Variants in GRIN1 observed in about 807,000 individuals in gnomAD.
GRIN1 encodes glutamate ionotropic receptor NMDA type subunit 1.
GRIN1 carries 38 observed loss-of-function variants against 103.0 expected under a neutral mutation model. The observed-to-expected ratio is 0.37, with a 90% CI of 0.28 to 0.48. GRIN1 has a LOEUF of 0.48. Among genes scored for constraint, GRIN1 ranks in the 20% least tolerant of loss-of-function variants. The pLI is 0.98. For synonymous variants in GRIN1, 544 were observed against 532.7 expected, an observed-to-expected ratio of 1.02 and a Z score of -0.29; for missense variants, 577 against 1,288.9, an observed-to-expected ratio of 0.45 and a Z score of 8.46.
At chr9:137,161,478 G>A in intron 10 of GRIN1, 62 bp downstream of exon 10, 1 of 1,514,932 alleles carries the variant, frequency 6.6e-7, no homozygotes, top group Non-Finnish European at 9.0e-7. Flanking sequence ...GGTCGGAGTG[G>A]GTGGGGCATG....
Position 137,154,431 on chromosome 9 carries a change from AC to A in GRIN1, c.672-2237del, listed in dbSNP as rs1480662464. On this transcript the variant is annotated intron_variant, in intron 4 of 19. Coordinates refer to ENST00000371561, the MANE Select transcript of GRIN1 (RefSeq NM_007327.4). Reference sequence around the variant, plus strand: ...TCAGCCACCACCCCCAGCTCCAACAACTTTTTTTTTTTTTTTTTTTTTTTTT... The same window carrying A: ...TCAGCCACCACCCCCAGCTCCAACAATTTTTTTTTTTTTTTTTTTTTTTTT... Among the ~76,000 whole-genome samples, 8 of 83,510 alleles carry A rather than the reference AC, an allele frequency of 9.6e-5. 1 individual carries two copies. The East Asian group carries it at 2.9e-3, about 30-fold the overall frequency. 54.8% of individuals were successfully genotyped at this position (83,510 alleles called of 152,430 possible).
In GRIN1 at chr9:137,145,899, C is replaced by T; in HGVS notation, c.567C>T (p.Ser189=). ...AGACGCTGCTGGAGGAGCGTGAGTC[C>T]AAGGTGAGGGTCGGCGCCGCGGGTG... is the stretch of plus-strand genomic sequence containing the variant. ...RLETLLEERE[S]KAEKVLQFDP... is the part of the protein sequence containing the mutation. The change falls in exon 3 of 20, where the codon TCC becomes TCT. Residue 189 remains serine (S), a synonymous_variant. Transcript: ENST00000371561. 1 of 1,601,190 alleles carries T rather than the reference C, an allele frequency of 6.2e-7. No individual in the cohort carries two copies. Among genetic ancestry groups the T allele is most frequent in the African/African-American group, 1.3e-5 (1 of 74,826 alleles).
rs1354413402 is a variant in GRIN1, at chr9:137,154,448, T to A, written c.672-2221T>A. Reference sequence around the variant, plus strand: ...CTCCAACAACTTTTTTTTTTTTTTTTTTTTTTTTTTTTTTTTTTTTTTTAA... The same window carrying A: ...CTCCAACAACTTTTTTTTTTTTTTTATTTTTTTTTTTTTTTTTTTTTTTAA... On this transcript the variant is annotated intron_variant, in intron 4 of 19. Coordinates refer to ENST00000371561, the MANE Select transcript of GRIN1 (RefSeq NM_007327.4). 1.2e-3 allele frequency among the ~76,000 whole-genome samples: 127 copies of A among 110,188 alleles called. 3 individuals carry two copies. The highest frequency in any genetic ancestry group is 4.8e-3 in the African/African-American group (119 of 25,008). 72.3% of individuals were successfully genotyped at this position (110,188 alleles called of 152,430 possible). A position where few individuals can be genotyped will look rare whatever the true frequency, so the allele number is the denominator to read the frequency against.
chr9:137,159,392 C>A (rs1833406880), intron 8 of GRIN1, among the ~76,000 whole-genome samples: 1 of 152,216 alleles, frequency 6.6e-6, no homozygotes, highest in Admixed American at 6.5e-5. Flanking sequence ...GTCTCTTGAC[C>A]CTGTCTGTTT....
chr9:137,155,409 C>T (rs1833156630), intron 4 of GRIN1, among the ~76,000 whole-genome samples: 1 of 152,238 alleles, frequency 6.6e-6, no homozygotes, highest in African/African-American at 2.4e-5. Flanking sequence ...GTGTCACTGA[C>T]ATCCAATAGC....
chr9:137,167,932 G>A lies in GRIN1; in HGVS notation c.*405G>A, dbSNP rs1391403930. 5.5e-5 allele frequency: 66 copies of A among 1,210,784 alleles called. No homozygotes were observed. The East Asian group carries it at 1.5e-3, about 28-fold the overall frequency. The allele number at this position is 1,210,784 out of a possible 1,614,324, so 75.0% of individuals were successfully genotyped here. On this transcript the variant is annotated 3_prime_UTR_variant, in exon 20 of 20. Transcript: ENST00000371561. ...GGGAAGGCCTGAGGGAAGCCCACCCGCCCCAGAGACTGCCCACCCTGGGCC... is the reference window on the plus strand; with the variant it reads ...GGGAAGGCCTGAGGGAAGCCCACCCACCCCAGAGACTGCCCACCCTGGGCC...
Position 137,165,170 on chromosome 9 carries a change from T to C in GRIN1, c.2590-16T>C. On this transcript the variant is annotated splice_polypyrimidine_tract_variant and intron_variant, in intron 18 of 19. Coordinates refer to ENST00000371561, the MANE Select transcript of GRIN1 (RefSeq NM_007327.4). ...ACCACCCTAGCCATCTAATCACTTA[T>C]ACATATTCATTTTAGGATAGAAAGA... is the stretch of plus-strand genomic sequence containing the variant. 1.3e-6 allele frequency: 2 copies of C among 1,541,290 alleles called. No individual in the cohort carries two copies. The highest frequency in any genetic ancestry group is 1.8e-6 in the Non-Finnish European group (2 of 1,114,966).
At chr9:137,144,577 C>T (rs932565165) in intron 2 of GRIN1, among the ~76,000 whole-genome samples, 29 of 151,466 alleles carry the variant, frequency 1.9e-4, no homozygotes, top group African/African-American at 6.3e-4. Flanking sequence ...ATGGTGTGAA[C>T]CCAGGAGGCG....
chr9:137,143,976 G>C (rs1163669047), intron 2 of GRIN1, among the ~76,000 whole-genome samples: 4 of 152,272 alleles, frequency 2.6e-5, no homozygotes, highest in Non-Finnish European at 5.9e-5. Flanking sequence ...GGGCAAGCAA[G>C]CACCACGCTC....
chr9:137,163,512 C>G (rs201072862), intron 16 of GRIN1, 47 bp from the exon 17 acceptor site: 1 of 1,446,870 alleles, frequency 6.9e-7, no homozygotes, highest in Non-Finnish European at 9.7e-7. Flanking sequence ...TGCTCCTTCC[C>G]GTCCTGGGCC....
chr9:137,162,080 G>A lies in GRIN1; in HGVS notation c.1624G>A (p.Val542Ile). 7.0e-7 allele frequency: 1 copy of A among 1,419,020 alleles called. No individual in the cohort carries two copies. Among genetic ancestry groups the A allele is most frequent in the Non-Finnish European group, 9.5e-7 (1 of 1,051,952 alleles). The allele number at this position is 1,419,020 out of a possible 1,614,324, so 87.9% of individuals were successfully genotyped here. The change falls in exon 11 of 20, where the codon GTC (valine) becomes ATC (isoleucine). Residue 542 changes from valine (V) to isoleucine (I), a missense_variant. By Grantham distance (29) the Val-to-Ile change is conservative (BLOSUM62 3). Coordinates refer to ENST00000371561, the MANE Select transcript of GRIN1 (RefSeq NM_007327.4). ...CAAGTACCAGGGCCTGACTATTCTG[G>A]TCAAGAAGGTGGGCAGGGGCCGGGT... is the stretch of plus-strand genomic sequence containing the variant. ...PFKYQGLTIL[V>I]KKEIPRSTLD...
At chr9:137,153,641 T>A (rs560344339) in intron 4 of GRIN1, among the ~76,000 whole-genome samples, 12 of 152,164 alleles carry the variant, frequency 7.9e-5, no homozygotes, top group African/African-American at 2.7e-4. Flanking sequence ...TCCACTGATA[T>A]ACGCACACCT....
At chr9:137,154,819 G>A (rs1304211619) in intron 4 of GRIN1, among the ~76,000 whole-genome samples, 1 of 152,160 alleles carries the variant, frequency 6.6e-6, no homozygotes, top group Non-Finnish European at 1.5e-5. Flanking sequence ...CACATGCTGA[G>A]CTCCTTGGAG....
chr9:137,159,649 C>T (rs1833424902), intron 8 of GRIN1, among the ~76,000 whole-genome samples: 2 of 152,236 alleles, frequency 1.3e-5, no homozygotes, highest in Admixed American at 6.5e-5. Flanking sequence ...ATGGAGATGG[C>T]TTTTTACAAA....
At chr9:137,151,161 G>A (rs867307247) in intron 4 of GRIN1, among the ~76,000 whole-genome samples, 6 of 134,790 alleles carry the variant, frequency 4.5e-5, no homozygotes, top group Admixed American at 3.7e-4. Context: ...TCCCGCCCAG[G>A]GAAAGCCCCG....
In GRIN1 at chr9:137,146,339, C is replaced by G. The variant is rs1235524648; in HGVS notation, c.570+437C>G. Among the ~76,000 whole-genome samples the G allele has an allele frequency of 6.6e-6, 1 of 152,030 alleles. No individual in the cohort carries two copies. The highest frequency in any genetic ancestry group is 1.5e-5 in the Non-Finnish European group (1 of 67,968). On this transcript the variant is annotated intron_variant, in intron 3 of 19. Transcript: ENST00000371561. The surrounding 1 kb of genome is among the most constrained non-coding windows in gnomAD (Gnocchi z 6.7). ...TACCGCCCCTGCAGGCCTGTCCCCT[C>G]CTGGCTGGGCCCATTCCCTGTCCTC...
intron 10 of GRIN1, 141 bp downstream of exon 10, chr9:137,161,557 G>A: frequency 1.3e-6 from 1 of 791,954 alleles, no homozygotes; most frequent in South Asian, 1.6e-5. Flanking sequence ...CGGAGCCTGC[G>A]GGCTGGGTCC....
At chr9:137,144,584 G>C (rs1167779516) in intron 2 of GRIN1, among the ~76,000 whole-genome samples, 2 of 151,490 alleles carry the variant, frequency 1.3e-5, no homozygotes, top group South Asian at 4.2e-4. Context: ...GAACCCAGGA[G>C]GCGGAGCCTG....
intron 10 of GRIN1, 50 bp downstream of exon 10, chr9:137,161,466 G>T (rs1474539542): frequency 6.4e-7 from 1 of 1,574,600 alleles, no homozygotes; most frequent in Non-Finnish European, 8.6e-7. Context: ...GCCTGCAGGC[G>T]CGGTCGGAGT....
Sources: allele counts gnomAD v4.1 joint callset (sites outside exome capture counted in the v4.1 genomes callset), GRCh38; gene constraint gnomAD v4.1.1; non-coding constraint Gnocchi (gnomAD v3.1); transcripts MANE v1.5; gene names NCBI Gene and HGNC (gene_info 2026-07-23, HGNC 2026-07-21).